Variants in FAM217B observed in about 807,000 individuals in gnomAD.
FAM217B encodes the protein protein FAM217B.
For missense variants in FAM217B, 463 were observed against 456.9 expected, an observed-to-expected ratio of 1.01 and a Z score of -0.12; for synonymous variants, 163 against 173.0, an observed-to-expected ratio of 0.94 and a Z score of 0.45.
rs2060935515 is a variant in FAM217B, at chr20:59,946,093, A to G, written c.*998A>G. ...AAATAATGATCTGTTTCAGTTTGCA[A>G]GAGCAGGATTTTATTATTTTGCTTG... On this transcript the variant is annotated 3_prime_UTR_variant, in exon 4 of 4. Transcript: ENST00000360816. The G allele has an allele frequency of 6.0e-6, 1 of 167,066 alleles. No homozygotes were observed. Among genetic ancestry groups the G allele is most frequent in the Non-Finnish European group, 1.5e-5 (1 of 68,126 alleles). 10.3% of individuals were successfully genotyped at this position (167,066 alleles called of 1,614,324 possible).
At chr20:59,934,504 C>T (rs924061003) in intron 1 of FAM217B, among the ~76,000 whole-genome samples, 2 of 152,158 alleles carry the variant, frequency 1.3e-5, no homozygotes, top group South Asian at 2.1e-4. Flanking sequence ...AGATGCAGCT[C>T]GGTCTTTCTA....
At chr20:59,939,019 G>T, upstream of FAM217B, 1 of 1,502,416 alleles carries the variant, frequency 6.7e-7, no homozygotes, top group Non-Finnish European at 8.9e-7. Flanking sequence ...CAGGTGGCCG[G>T]TCCCCGCGCG....
At chr20:59,939,872 G>A (rs1474289337), upstream of FAM217B, 2 of 1,247,696 alleles carry the variant, frequency 1.6e-6, no homozygotes, top group East Asian at 3.1e-5. Flanking sequence ...GGCTCCGGGG[G>A]CCGAGCTTCC....
rs761967633 is a variant in FAM217B, at chr20:59,944,441, CAAAACGGAA to C, written c.499_507del (p.Lys167_Glu169del). 3.1e-6 allele frequency: 5 copies of C among 1,613,864 alleles called. No homozygotes were observed. The South Asian group carries it at 5.5e-5, about 18-fold the overall frequency. On this transcript the variant is annotated inframe_deletion, in exon 4 of 4. Transcript: ENST00000360816. ...TGGCCCTGCTTCTGAACGCAGAGAA[CAAAACGGAA>C]GCCGTGCCCCGAGTGGGAGGACTTC...
chr20:59,934,288 C>G (rs2060839148), intron 1 of FAM217B, among the ~76,000 whole-genome samples: 1 of 152,208 alleles, frequency 6.6e-6, no homozygotes, highest in African/African-American at 2.4e-5. Flanking sequence ...TAGGCTCTTT[C>G]AGACGCTTCC....
rs1601050649 is a variant in FAM217B, at chr20:59,945,956, T to C, written c.*861T>C. 6.0e-6 allele frequency: 1 copy of C among 167,022 alleles called. No homozygotes were observed. Among genetic ancestry groups the C allele is most frequent in the Admixed American group, 6.5e-5 (1 of 15,268 alleles). The allele number at this position is 167,022 out of a possible 1,614,324, so 10.3% of individuals were successfully genotyped here. A position where few individuals can be genotyped will look rare whatever the true frequency, so the allele number is the denominator to read the frequency against. ...GAGGCACCCCAGGGAAATCACTCTTTACAATTTGTAAAGGAAGGGCCTGTA... is the reference window on the plus strand; with the variant it reads ...GAGGCACCCCAGGGAAATCACTCTTCACAATTTGTAAAGGAAGGGCCTGTA... On this transcript the variant is annotated 3_prime_UTR_variant, in exon 4 of 4. Transcript: ENST00000360816.
At chr20:59,937,152 TTA>T (rs2060867432), upstream of FAM217B, 2 of 152,658 alleles carry the variant, frequency 1.3e-5, no homozygotes, top group Non-Finnish European at 2.9e-5. Context: ...TTCACATAGA[TTA>T]TGAGATTCTC....
chr20:59,941,251 TCCAGAGGG>T (rs2060903404), intron 1 of FAM217B, among the ~76,000 whole-genome samples: 1 of 152,132 alleles, frequency 6.6e-6, no homozygotes, highest in Non-Finnish European at 1.5e-5. Flanking sequence ...CTTTTTATTG[TCCAGAGGG>T]ACAAAGCAGA....
upstream of FAM217B, chr20:59,939,867 C>G: frequency 8.0e-7 from 1 of 1,246,898 alleles, no homozygotes; most frequent in Non-Finnish European, 1.0e-6. Flanking sequence ...GCTGAGGCTC[C>G]GGGGGCCGAG....
intron 3 of FAM217B, among the ~76,000 whole-genome samples, chr20:59,943,607 TG>T (rs2060917505): frequency 6.6e-6 from 1 of 152,166 alleles, no homozygotes; most frequent in African/African-American, 2.4e-5. Context: ...TCCAAACTAA[TG>T]TTTTTTTTTT....
In FAM217B at chr20:59,946,478, T is replaced by G. The variant is rs573099799; in HGVS notation, c.*1383T>G. On this transcript the variant is annotated 3_prime_UTR_variant, in exon 4 of 4. Coordinates refer to ENST00000360816, the MANE Select transcript of FAM217B (RefSeq NM_022106.3). ...ACAGCAGTAAATGTCTGAAAAAATATCAAAAACAGCATAAAGACAAGATTA... is the reference window on the plus strand; with the variant it reads ...ACAGCAGTAAATGTCTGAAAAAATAGCAAAAACAGCATAAAGACAAGATTA... The G allele has an allele frequency of 6.0e-6, 1 of 166,876 alleles. No homozygotes were observed. The highest frequency in any genetic ancestry group is 1.9e-4 in the East Asian group (1 of 5,200). 10.3% of individuals were successfully genotyped at this position (166,876 alleles called of 1,614,324 possible). A position where few individuals can be genotyped will look rare whatever the true frequency, so the allele number is the denominator to read the frequency against.
intron 1 of FAM217B, among the ~76,000 whole-genome samples, chr20:59,934,348 A>C (rs1409875667): frequency 6.6e-6 from 1 of 152,192 alleles, no homozygotes; most frequent in African/African-American, 2.4e-5. Context: ...TTGTGTAAAA[A>C]ATCGCAGGCC....
chr20:59,939,664 C>T (rs1765899886), upstream of FAM217B: 4 of 1,481,672 alleles, frequency 2.7e-6, no homozygotes, highest in East Asian at 2.7e-5. Context: ...CACGCAGCGC[C>T]CGGCGCGCCC....
upstream of FAM217B, among the ~76,000 whole-genome samples, chr20:59,936,038 C>T (rs1262085665): frequency 6.6e-6 from 1 of 152,170 alleles, no homozygotes; most frequent in Non-Finnish European, 1.5e-5. Context: ...CGTTTACTTA[C>T]AAAAACCTAG....
chr20:59,940,189 G>A (rs1185319492), upstream of FAM217B: 1 of 368,612 alleles, frequency 2.7e-6, no homozygotes, highest in African/African-American at 2.1e-5. Context: ...AGGCCTCCCG[G>A]GAGCGCAGGG....
intron 3 of FAM217B, among the ~76,000 whole-genome samples, 157 bp downstream of exon 3, chr20:59,942,669 G>C (rs75133256): frequency 0.019 from 2,894 of 152,176 alleles, 94 homozygotes; most frequent in African/African-American, 0.066. Context: ...AGTGGTTTAA[G>C]CATAATAGTG....
At chr20:59,937,289 T>C (rs1444959091), upstream of FAM217B, 1 of 152,660 alleles carries the variant, frequency 6.6e-6, no homozygotes, top group African/African-American at 2.4e-5. Flanking sequence ...GCTGACCTAA[T>C]TGGACAGTTT....
chr20:59,944,770 G>A lies in FAM217B; in HGVS notation c.827G>A (p.Gly276Asp), dbSNP rs764226293. Residue 276 changes from glycine (G) to aspartate (D), a missense_variant, in exon 4 of 4, where the codon GGT becomes GAT. Gly to Asp is a moderately conservative substitution (Grantham distance 94). Transcript: ENST00000360816. ...TSPRPIDVLG[G>D]TRFCSQRQTL... ...CCTAGACCCATTGATGTGCTTGGTG[G>A]TACCAGGTTTTGTTCTCAGAGGCAA... The A allele has an allele frequency of 1.2e-6, 2 of 1,614,184 alleles. No individual in the cohort carries two copies. The highest frequency in any genetic ancestry group is 1.1e-5 in the South Asian group (1 of 91,084).
upstream of FAM217B, among the ~76,000 whole-genome samples, chr20:59,935,505 C>T (rs928483077): frequency 2.6e-5 from 4 of 152,180 alleles, no homozygotes; most frequent in Non-Finnish European, 5.9e-5. Context: ...CCGTGGTTCA[C>T]ACATATACTC....
Sources: allele counts gnomAD v4.1 joint callset (sites outside exome capture counted in the v4.1 genomes callset), GRCh38; gene constraint gnomAD v4.1.1; transcripts MANE v1.5; gene names NCBI Gene and HGNC (gene_info 2026-07-23, HGNC 2026-07-21).